GRM7: variants seen among roughly 807,000 people sequenced by gnomAD.
GRM7 encodes the protein glutamate metabotropic receptor 7, also known as metabotropic glutamate receptor 7.
GRM7 carries 35 observed loss-of-function variants against 84.5 expected under a neutral mutation model. That is an observed-to-expected ratio of 0.41 (90% CI 0.32 to 0.55). The LOEUF (loss-of-function observed/expected upper bound fraction) is 0.55, where lower values mean the gene tolerates loss of function less well. Ranked by LOEUF, GRM7 falls within the 20% of genes least tolerant of loss-of-function variation. GRM7 has a pLI of 0.19. For missense variants in GRM7, 1,003 were observed against 1,194.6 expected (o/e 0.84, Z 2.36); for synonymous variants, 487 against 455.1 (o/e 1.07, Z -0.89).
chr3:7,320,353 A>G (rs556965385), intron 4 of GRM7, among the ~76,000 whole-genome samples: 2 of 152,210 alleles, frequency 1.3e-5, no homozygotes, highest in Admixed American at 1.3e-4. Flanking sequence ...GGAAACCTGT[A>G]TATTTTATGC....
At chr3:7,173,257 C>T (rs1242830937) in intron 2 of GRM7, among the ~76,000 whole-genome samples, 1 of 152,170 alleles carries the variant, frequency 6.6e-6, no homozygotes. Context: ...CAAGTTCTCT[C>T]GTCTTTACTA....
intron 8 of GRM7, among the ~76,000 whole-genome samples, chr3:7,602,972 T>TA (rs1696392329): frequency 6.6e-6 from 1 of 152,186 alleles, no homozygotes; most frequent in African/African-American, 2.4e-5. Flanking sequence ...GCAAAGCATC[T>TA]ACTGACAGAA....
chr3:7,151,371 C>T lies in GRM7; in HGVS notation c.736+4703C>T, dbSNP rs1393979425. On this transcript the variant is annotated intron_variant, in intron 2 of 9. Coordinates refer to ENST00000357716, the MANE Select transcript of GRM7 (RefSeq NM_000844.4). This position sits in a 1 kb window ranked among gnomAD's most constrained non-coding sequence, Gnocchi z 4.5. ...GCAGTGAGCCGAGATTGCACCACTGCACTTTAGCCTGGGAGACAGAGCAAG... is the reference window on the plus strand; with the variant it reads ...GCAGTGAGCCGAGATTGCACCACTGTACTTTAGCCTGGGAGACAGAGCAAG... Among the ~76,000 whole-genome samples the T allele has an allele frequency of 6.6e-6, 1 of 152,096 alleles. No homozygotes were observed. The highest frequency in any genetic ancestry group is 1.5e-5 in the Non-Finnish European group (1 of 68,022).
At chr3:7,383,702 A>G (rs2125132401) in intron 4 of GRM7, among the ~76,000 whole-genome samples, 1 of 152,318 alleles carries the variant, frequency 6.6e-6, no homozygotes, top group South Asian at 2.1e-4. Context: ...TCCCTGCTAC[A>G]CTGGAAGGCA....
intron 5 of GRM7, among the ~76,000 whole-genome samples, chr3:7,448,060 C>G (rs1392335707): frequency 6.6e-6 from 1 of 151,708 alleles, no homozygotes; most frequent in Non-Finnish European, 1.5e-5. Flanking sequence ...TCATCCATGT[C>G]CCTACAAAGG....
At chr3:7,243,570 G>T (rs1697644493) in intron 2 of GRM7, among the ~76,000 whole-genome samples, 1 of 152,144 alleles carries the variant, frequency 6.6e-6, no homozygotes, top group African/African-American at 2.4e-5. Flanking sequence ...AATGGGACAT[G>T]AACCCATTCT....
intron 2 of GRM7, among the ~76,000 whole-genome samples, chr3:7,199,505 A>C (rs986089233): frequency 2.6e-5 from 4 of 152,228 alleles, no homozygotes; most frequent in African/African-American, 9.6e-5. Context: ...GCAGCAATCA[A>C]TCACTGCAGC....
intron 1 of GRM7, among the ~76,000 whole-genome samples, chr3:7,137,220 T>C (rs958126817): frequency 2.0e-5 from 3 of 152,130 alleles, no homozygotes; most frequent in African/African-American, 7.2e-5. Context: ...AATTGTTTTT[T>C]CCCCTAGCAT....
intron 1 of GRM7, among the ~76,000 whole-genome samples, chr3:6,966,636 G>A (rs562460350): frequency 6.6e-6 from 1 of 152,302 alleles, no homozygotes; most frequent in South Asian, 2.1e-4. Context: ...TATGTTTAAT[G>A]TATATGATGA....
chr3:7,710,142 A>G (rs950609830), intron 9 of GRM7, among the ~76,000 whole-genome samples: 2 of 152,138 alleles, frequency 1.3e-5, no homozygotes, highest in South Asian at 4.1e-4. Flanking sequence ...ACTGTTCTTA[A>G]TAGTATAAGA....
intron 8 of GRM7, among the ~76,000 whole-genome samples, chr3:7,664,565 G>A (rs1559473430): frequency 6.6e-6 from 1 of 152,078 alleles, no homozygotes; most frequent in Non-Finnish European, 1.5e-5. Flanking sequence ...GAACGTGCAG[G>A]TGTGTTACAT....
chr3:7,625,923 TCA>T (rs970804513), intron 8 of GRM7, among the ~76,000 whole-genome samples: 3 of 152,098 alleles, frequency 2.0e-5, no homozygotes, highest in African/African-American at 7.2e-5. Context: ...GAGAAAGGAC[TCA>T]GAGTTAAAAG....
chr3:7,741,439 C>A lies in GRM7; in HGVS notation c.*1033C>A, dbSNP rs1247267603. 1.3e-5 allele frequency: 2 copies of A among 152,550 alleles called. No individual in the cohort carries two copies. The highest frequency in any genetic ancestry group is 2.9e-5 in the Non-Finnish European group (2 of 68,014). 9.4% of individuals were successfully genotyped at this position (152,550 alleles called of 1,614,324 possible). ...TATGTGCCAATTTAGTGGAAAAAAACAACCCTTGCTGAAAAATTCCCTCTT... is the reference window on the plus strand; with the variant it reads ...TATGTGCCAATTTAGTGGAAAAAAAAAACCCTTGCTGAAAAATTCCCTCTT... On this transcript the variant is annotated 3_prime_UTR_variant, in exon 10 of 10. Transcript: ENST00000357716.
At chr3:7,136,232 A>G (rs368332762) in intron 1 of GRM7, among the ~76,000 whole-genome samples, 1 of 151,958 alleles carries the variant, frequency 6.6e-6, no homozygotes, top group East Asian at 1.9e-4. Context: ...AACATCAAGT[A>G]AAATGAGGAC....
At chr3:7,130,498 G>C (rs964763084) in intron 1 of GRM7, among the ~76,000 whole-genome samples, 1 of 150,414 alleles carries the variant, frequency 6.6e-6, no homozygotes, top group Non-Finnish European at 1.5e-5. Flanking sequence ...AGCCGAGATC[G>C]CACCATTGCA....
At chr3:7,504,478 G>A (rs187702471) in intron 7 of GRM7, among the ~76,000 whole-genome samples, 2 of 152,278 alleles carry the variant, frequency 1.3e-5, no homozygotes, top group Admixed American at 1.3e-4. Flanking sequence ...AGACCGAGTA[G>A]TTTATAAAGA....
rs1458243625 is a variant in GRM7 at position 7,740,821 on chromosome 3, TGTC to T, written c.*418_*420del. 6.3e-6 allele frequency: 1 copy of T among 159,032 alleles called. No homozygotes were observed. 9.9% of individuals were successfully genotyped at this position (159,032 alleles called of 1,614,324 possible). On this transcript the variant is annotated 3_prime_UTR_variant, in exon 10 of 10. Transcript: ENST00000357716. The stretch of plus-strand genomic sequence containing the variant: ...AGGACCTTTGCACTTTGCCATCTGA[TGTC>T]GTACCTCGGTTCACTGTTTGTTTTC...
At chr3:7,570,380 G>C (rs376358693) in intron 7 of GRM7, among the ~76,000 whole-genome samples, 2 of 152,208 alleles carry the variant, frequency 1.3e-5, no homozygotes, top group African/African-American at 2.4e-5. Flanking sequence ...TAGTTACTTC[G>C]TAGATACAAT....
At chr3:7,607,105 T>C (rs2125075770) in intron 8 of GRM7, 1 of 152,344 alleles carries the variant, frequency 6.6e-6, no homozygotes, top group Middle Eastern at 3.4e-3. Context: ...AAGTTGTGTC[T>C]GTGGTTCTGC....
Sources: gnomAD v4.1 joint callset for allele counts (sites outside exome capture counted in the v4.1 genomes callset) on GRCh38, gnomAD v4.1.1 for gene constraint, Gnocchi (gnomAD v3.1) non-coding constraint, MANE v1.5 for transcripts, NCBI Gene and HGNC (gene_info 2026-07-23, HGNC 2026-07-21) for gene names.